The following GBF1 variants were observed in gnomAD, a reference collection of about 807,000 sequenced individuals.
GBF1 encodes the protein golgi brefeldin A resistant guanine nucleotide exchange factor 1.
Under a neutral mutation model 210.5 loss-of-function variants are expected in GBF1, and 114 were observed. The ratio of observed to expected loss-of-function variants is 0.54; its 90% CI spans 0.47 to 0.63. GBF1 has a LOEUF of 0.63. Ranked by LOEUF, GBF1 falls within the 30% of genes least tolerant of loss-of-function variation. GBF1 has a pLI of 0.00. For synonymous variants in GBF1, 850 were observed against 889.2 expected (o/e 0.96, Z 0.78); for missense variants, 1,851 against 2,357.7 (o/e 0.79, Z 4.45).
intron 29 of GBF1, 75 bp downstream of exon 29, chr10:102,370,935 C>A: frequency 2.9e-6 from 4 of 1,377,368 alleles, no homozygotes; most frequent in Non-Finnish European, 3.1e-6. Context: ...ATGAATATGG[C>A]CTGAGACAGA....
At chr10:102,265,042 T>C (rs2073710844) in intron 3 of GBF1, among the ~76,000 whole-genome samples, 1 of 152,186 alleles carries the variant, frequency 6.6e-6, no homozygotes, top group Non-Finnish European at 1.5e-5. Context: ...TGGCATGGGA[T>C]GGGGCATGGA....
At chr10:102,296,252 C>T (rs927368765) in intron 3 of GBF1, among the ~76,000 whole-genome samples, 6 of 152,176 alleles carry the variant, frequency 3.9e-5, no homozygotes, top group African/African-American at 1.4e-4. Context: ...AAAAAAACTG[C>T]CCAACTGACT....
chr10:102,331,505 T>G (rs999620038), intron 3 of GBF1, among the ~76,000 whole-genome samples: 1 of 151,110 alleles, frequency 6.6e-6, no homozygotes, highest in Middle Eastern at 3.2e-3. Flanking sequence ...AGATTGGGGC[T>G]GGGCACGGTG....
At chr10:102,331,308 G>A (rs1248573465) in intron 3 of GBF1, among the ~76,000 whole-genome samples, 1 of 152,106 alleles carries the variant, frequency 6.6e-6, no homozygotes, top group African/African-American at 2.4e-5. Flanking sequence ...GGGTTAGGTT[G>A]GGGCCTCATG....
At chr10:102,274,088 A>G (rs977718724) in intron 3 of GBF1, among the ~76,000 whole-genome samples, 2 of 152,178 alleles carry the variant, frequency 1.3e-5, no homozygotes, top group African/African-American at 4.8e-5. Context: ...CAGGAATGGA[A>G]CTAGGTTCTA....
chr10:102,382,387 A>G lies in GBF1; in HGVS notation c.*51A>G. 6.7e-7 allele frequency: 1 copy of G among 1,488,774 alleles called. No homozygotes were observed. Among genetic ancestry groups the G allele is most frequent in the Admixed American group, 2.0e-5 (1 of 49,648 alleles). The allele number at this position is 1,488,774 out of a possible 1,614,324, so 92.2% of individuals were successfully genotyped here. ...AGTGCTTCCCACCAGGCTTTCCTTG[A>G]CCCCACTTCTGGCTGTCCTGCGGGC... On this transcript the variant is annotated 3_prime_UTR_variant, in exon 40 of 40. Transcript: ENST00000369983.
Position 102,381,116 on chromosome 10 carries a change from A to G in GBF1, c.5174-11A>G, listed in dbSNP as rs781116030. The G allele has an allele frequency of 8.1e-6, 13 of 1,613,186 alleles. No individual in the cohort carries two copies. Among genetic ancestry groups the G allele is most frequent in the Middle Eastern group, 1.7e-4 (1 of 5,954 alleles). ...CTAAGAGGTGCCATCTCAATTCTCT[A>G]CCGTCTCCAGACCCCATGCCCATGG... On this transcript the variant is annotated splice_polypyrimidine_tract_variant and intron_variant, in intron 38 of 39. Transcript: ENST00000369983.
chr10:102,370,151 C>T (rs1283981385), intron 26 of GBF1, 23 bp from the exon 27 acceptor site: 3 of 1,586,566 alleles, frequency 1.9e-6, no homozygotes, highest in East Asian at 2.2e-5. Context: ...TCAAAGACCC[C>T]CTCTCTCTTT....
At position 102,278,275 on chromosome 10, in the gene GBF1, CT is replaced by C. The variant is rs75537807; in HGVS notation, c.163+18173del. ...AACAAAAAAACATTAAACAAAAACACTTTTTTTTTTTTTTAGAGTTATGGAG... is the reference window on the plus strand; with the variant it reads ...AACAAAAAAACATTAAACAAAAACACTTTTTTTTTTTTTAGAGTTATGGAG... On this transcript the variant is annotated intron_variant, in intron 3 of 39. Coordinates refer to ENST00000369983, the MANE Select transcript of GBF1 (RefSeq NM_001377137.1). 2.9e-3 allele frequency among the ~76,000 whole-genome samples: 417 copies of C among 142,212 alleles called. 1 individual carries two copies. Among genetic ancestry groups the C allele is most frequent in the Admixed American group, 3.0e-3 (43 of 14,150 alleles). 93.3% of individuals were successfully genotyped at this position (142,212 alleles called of 152,430 possible).
intron 3 of GBF1, among the ~76,000 whole-genome samples, chr10:102,317,907 TTTA>T (rs1481237382): frequency 2.2e-5 from 2 of 91,918 alleles, no homozygotes; most frequent in East Asian, 2.8e-4. Flanking sequence ...TTTATTTTTA[TTTA>T]TTTATTTATT....
chr10:102,380,376 C>T lies in GBF1; in HGVS notation c.4992+14C>T. ...AGCGACTTACTGGTATGTTCTACCT[C>T]AGCTCTGCTGCCTGCCTCCTGTCCC... On this transcript the variant is annotated intron_variant, in intron 37 of 39. Coordinates refer to ENST00000369983, the MANE Select transcript of GBF1 (RefSeq NM_001377137.1). 2 of 1,594,904 alleles carry T rather than the reference C, an allele frequency of 1.3e-6. No homozygotes were observed. Among genetic ancestry groups the T allele is most frequent in the Middle Eastern group, 1.7e-4 (1 of 6,040 alleles).
Position 102,367,328 on chromosome 10 carries a change from G to A in GBF1, c.2559+118G>A, listed in dbSNP as rs1333943870. 11 of 1,267,556 alleles carry A rather than the reference G, an allele frequency of 8.7e-6. No individual in the cohort carries two copies. In the African/African-American group the frequency reaches 1.0e-4, roughly 12 times the overall value. The allele number at this position is 1,267,556 out of a possible 1,614,324, so 78.5% of individuals were successfully genotyped here. A position where few individuals can be genotyped will look rare whatever the true frequency, so the allele number is the denominator to read the frequency against. On this transcript the variant is annotated intron_variant, in intron 20 of 39. Coordinates refer to ENST00000369983, the MANE Select transcript of GBF1 (RefSeq NM_001377137.1). ...GGGTTCTGTCCAAGGGAATCAGGAA[G>A]GGCTGGCCAACCTAGAAAAGGGACT...
At chr10:102,312,933 G>C (rs540084381) in intron 3 of GBF1, among the ~76,000 whole-genome samples, 33 of 152,162 alleles carry the variant, frequency 2.2e-4, no homozygotes, top group African/African-American at 7.9e-4. Context: ...GGCTTGGCTA[G>C]GCTCATCTTG....
At chr10:102,277,471 G>A (rs988313108) in intron 3 of GBF1, among the ~76,000 whole-genome samples, 8 of 148,664 alleles carry the variant, frequency 5.4e-5, no homozygotes, top group African/African-American at 1.7e-4. Flanking sequence ...CTCGCCTCCC[G>A]GGTTCAACCG....
intron 12 of GBF1, among the ~76,000 whole-genome samples, chr10:102,360,790 A>G (rs931929859): frequency 2.6e-5 from 4 of 152,138 alleles, no homozygotes; most frequent in African/African-American, 9.7e-5. Context: ...AGCCTGACCA[A>G]TGTGGTGAAA....
chr10:102,338,237 C>CTT lies in GBF1; in HGVS notation c.164-5794_164-5793dup, dbSNP rs398046214. 3.0e-3 allele frequency among the ~76,000 whole-genome samples: 345 copies of CTT among 114,120 alleles called. 7 individuals carry two copies. The highest frequency in any genetic ancestry group is 4.8e-3 in the Non-Finnish European group (271 of 55,934). The allele number at this position is 114,120 out of a possible 152,430, so 74.9% of individuals were successfully genotyped here. On this transcript the variant is annotated intron_variant, in intron 3 of 39. Transcript: ENST00000369983. ...AGTCATAGATTCCAACAACCTTCTT[C>CTT]TTTTTTTTTTTTTTTTTTTTTGAGA...
rs1285144148 is a variant in GBF1, at chr10:102,382,232, C to T, written c.5479C>T (p.Leu1827=). 9 of 1,614,050 alleles carry T rather than the reference C, an allele frequency of 5.6e-6. No homozygotes were observed. The highest frequency in any genetic ancestry group is 1.7e-5 in the Admixed American group (1 of 60,014). ...PLQVGVPPMT[L]PIILNPALIE... Reference sequence around the variant, plus strand: ...GCAGGTGGGCGTGCCACCTATGACTCTGCCCATCATCCTCAACCCTGCGCT... The same window carrying T: ...GCAGGTGGGCGTGCCACCTATGACTTTGCCCATCATCCTCAACCCTGCGCT... The change falls in exon 40 of 40, where the codon CTG becomes TTG. Residue 1827 remains leucine, a synonymous_variant. Coordinates refer to ENST00000369983, the MANE Select transcript of GBF1 (RefSeq NM_001377137.1).
chr10:102,354,692 C>G (rs2059191969), intron 8 of GBF1, among the ~76,000 whole-genome samples: 1 of 152,102 alleles, frequency 6.6e-6, no homozygotes, highest in South Asian at 2.1e-4. Flanking sequence ...TTGAACATCA[C>G]ATAGTTAGCC....
At chr10:102,332,014 C>G (rs1003736684) in intron 3 of GBF1, among the ~76,000 whole-genome samples, 3 of 151,976 alleles carry the variant, frequency 2.0e-5, no homozygotes, top group Admixed American at 1.3e-4. Context: ...CGTCTGCCAT[C>G]ACGCCCAGCT....
Sources: allele counts gnomAD v4.1 joint callset (sites outside exome capture counted in the v4.1 genomes callset), GRCh38; gene constraint gnomAD v4.1.1; transcripts MANE v1.5; gene names NCBI Gene and HGNC (gene_info 2026-07-23, HGNC 2026-07-21).